Variants in MIPEP observed in about 807,000 individuals in gnomAD.
The protein encoded by MIPEP is mitochondrial intermediate peptidase.
In MIPEP, 79 loss-of-function variants were observed where a neutral mutation model predicts 90.3. The ratio of observed to expected loss-of-function variants is 0.87; its 90% CI spans 0.73 to 1.05. MIPEP has a LOEUF of 1.05. MIPEP is among the 50% of genes least tolerant of loss of function. The pLI is 0.00. For synonymous variants in MIPEP, 334 were observed against 315.8 expected, an observed-to-expected ratio of 1.06 and a Z score of -0.61; for missense variants, 940 against 905.6, an observed-to-expected ratio of 1.04 and a Z score of -0.49.
chr13:23,781,691 T>C (rs1421870853), intron 16 of MIPEP, among the ~76,000 whole-genome samples: 1 of 152,296 alleles, frequency 6.6e-6, no homozygotes, highest in South Asian at 2.1e-4. Context: ...CCCATCAGTG[T>C]GCTGTATTCA....
intron 16 of MIPEP, among the ~76,000 whole-genome samples, chr13:23,795,631 C>G (rs990293263): frequency 6.6e-6 from 1 of 152,062 alleles, no homozygotes; most frequent in Non-Finnish European, 1.5e-5. Flanking sequence ...ATACTTGATG[C>G]TACATGAGGT....
chr13:23,869,928 T>C, intron 6 of MIPEP, 85 bp downstream of exon 6: 3 of 1,132,462 alleles, frequency 2.6e-6, no homozygotes, highest in Non-Finnish European at 3.6e-6. Flanking sequence ...TTAAGGATAC[T>C]ATTATATTAT....
At chr13:23,772,127 T>C (rs540113500) in intron 16 of MIPEP, among the ~76,000 whole-genome samples, 3 of 152,298 alleles carry the variant, frequency 2.0e-5, no homozygotes, top group South Asian at 4.1e-4. Context: ...CTTGTGACAG[T>C]ATGTCATTTG....
Position 23,810,965 on chromosome 13 carries a change from AT to A in MIPEP, c.1654-1042del, listed in dbSNP as rs1398613445. 3.3e-5 allele frequency among the ~76,000 whole-genome samples: 5 copies of A among 152,332 alleles called. No individual in the cohort carries two copies. In the South Asian group the frequency reaches 6.2e-4, roughly 19 times the overall value. Reference sequence around the variant, plus strand: ...AAGTAAACTAGGCAGAAAAGACAATATTTTTAAAGAGCTAAGACACAGATGG... The same window carrying A: ...AAGTAAACTAGGCAGAAAAGACAATATTTTAAAGAGCTAAGACACAGATGG... On this transcript the variant is annotated intron_variant, in intron 14 of 18. Transcript: ENST00000382172.
chr13:23,746,802 A>T (rs1952388982), intron 18 of MIPEP, among the ~76,000 whole-genome samples: 1 of 152,198 alleles, frequency 6.6e-6, no homozygotes, highest in African/African-American at 2.4e-5. Flanking sequence ...TGGAATCATT[A>T]GTATATTTTT....
intron 18 of MIPEP, among the ~76,000 whole-genome samples, chr13:23,743,478 A>T (rs925468829): frequency 3.3e-5 from 5 of 152,252 alleles, no homozygotes; most frequent in Admixed American, 1.3e-4. Flanking sequence ...TCGGCCAGGA[A>T]GTGAAATTCT....
At chr13:23,842,853 A>T (rs1869361478) in intron 10 of MIPEP, among the ~76,000 whole-genome samples, 1 of 152,130 alleles carries the variant, frequency 6.6e-6, no homozygotes, top group South Asian at 2.1e-4. Flanking sequence ...TAATCCCAGC[A>T]CTTTGGGAGG....
intron 7 of MIPEP, among the ~76,000 whole-genome samples, chr13:23,864,455 G>C (rs1268013218): frequency 1.3e-5 from 2 of 152,130 alleles, no homozygotes; most frequent in East Asian, 3.8e-4. Context: ...GAGTTAATGG[G>C]ACCAGGTGGC....
At chr13:23,865,952 T>C (rs1870513274) in intron 7 of MIPEP, among the ~76,000 whole-genome samples, 2 of 152,164 alleles carry the variant, frequency 1.3e-5, no homozygotes, top group Admixed American at 1.3e-4. Context: ...ATTACAGGCA[T>C]GAGACACCAC....
chr13:23,821,783 A>G (rs1593173459), intron 14 of MIPEP, among the ~76,000 whole-genome samples: 1 of 152,360 alleles, frequency 6.6e-6, no homozygotes, highest in East Asian at 1.9e-4. Context: ...AATCATGTCT[A>G]GACTACTTGT....
Position 23,824,965 on chromosome 13 carries a change from C to A in MIPEP, c.1653+11275G>T, listed in dbSNP as rs375499774. Among the ~76,000 whole-genome samples, 57 of 152,264 alleles carry A rather than the reference C, an allele frequency of 3.7e-4. 1 individual carries two copies. In the East Asian group the frequency reaches 6.7e-3, roughly 18 times the overall value. Reference sequence around the variant, plus strand: ...ATTTTAATGTGTGATAGGGATCCAACTTCCATTTTTTCTAAAAATATTCCA... The same window carrying A: ...ATTTTAATGTGTGATAGGGATCCAAATTCCATTTTTTCTAAAAATATTCCA... On this transcript the variant is annotated intron_variant, in intron 14 of 18. Coordinates refer to ENST00000382172, the MANE Select transcript of MIPEP (RefSeq NM_005932.4).
chr13:23,832,509 A>G (rs940877534), intron 14 of MIPEP, among the ~76,000 whole-genome samples: 10 of 152,198 alleles, frequency 6.6e-5, no homozygotes, highest in Non-Finnish European at 1.5e-4. Context: ...AGAAAGTTGC[A>G]TCTTAGAAAG....
At chr13:23,776,577 A>T (rs550232236) in intron 16 of MIPEP, among the ~76,000 whole-genome samples, 33 of 152,332 alleles carry the variant, frequency 2.2e-4, no homozygotes, top group African/African-American at 7.9e-4. Flanking sequence ...GATGTCATTC[A>T]AATGAATTAA....
chr13:23,882,713 T>C (rs1259669656), intron 2 of MIPEP, among the ~76,000 whole-genome samples: 1 of 152,194 alleles, frequency 6.6e-6, no homozygotes. Context: ...CACCACAAGA[T>C]AAAATTTCTT....
At chr13:23,799,314 T>G (rs1953006798) in intron 16 of MIPEP, among the ~76,000 whole-genome samples, 1 of 138,298 alleles carries the variant, frequency 7.2e-6, no homozygotes, top group Non-Finnish European at 1.5e-5. Context: ...CCAGGCAAAT[T>G]AGAGTAATTT....
chr13:23,804,403 G>T (rs1330799688), intron 16 of MIPEP, among the ~76,000 whole-genome samples: 3 of 152,146 alleles, frequency 2.0e-5, no homozygotes, highest in Non-Finnish European at 4.4e-5. Flanking sequence ...CCAAAAGCAG[G>T]TGAATCAGGC....
rs1280048392 is a variant in MIPEP at position 23,881,573 on chromosome 13, T to A, written c.452+126A>T. On this transcript the variant is annotated intron_variant, in intron 3 of 18. Transcript: ENST00000382172. ...GAGCCCTCCCTCCGGCCACCCCTGG[T>A]CACACACACCTCCCACCCTGCTGGG... The A allele has an allele frequency of 1.4e-5, 11 of 785,514 alleles. No individual in the cohort carries two copies. The East Asian group carries it at 3.0e-4, about 21-fold the overall frequency. The allele number at this position is 785,514 out of a possible 1,614,324, so 48.7% of individuals were successfully genotyped here.
At chr13:23,878,855 AATT>A (rs1236164508) in intron 4 of MIPEP, among the ~76,000 whole-genome samples, 1 of 152,232 alleles carries the variant, frequency 6.6e-6, no homozygotes, top group African/African-American at 2.4e-5. Flanking sequence ...AGCTAAGTGT[AATT>A]ATTAACTGTC....
At chr13:23,774,529 CA>C (rs903183001) in intron 16 of MIPEP, among the ~76,000 whole-genome samples, 29 of 152,166 alleles carry the variant, frequency 1.9e-4, no homozygotes, top group African/African-American at 7.0e-4. Flanking sequence ...GTAAGTCTTA[CA>C]ATCCATGAAC....
Sources: gnomAD v4.1 joint callset for allele counts (sites outside exome capture counted in the v4.1 genomes callset) on GRCh38, gnomAD v4.1.1 for gene constraint, MANE v1.5 for transcripts, NCBI Gene and HGNC (gene_info 2026-07-23, HGNC 2026-07-21) for gene names.